The following DLGAP3 variants were observed in gnomAD, a reference collection of about 807,000 sequenced individuals.
DLGAP3 encodes disks large-associated protein 3.
A neutral mutation model predicts 81.2 loss-of-function variants in DLGAP3; 17 were observed. That is an observed-to-expected ratio of 0.21 (90% CI 0.14 to 0.31). DLGAP3 has a LOEUF of 0.31. DLGAP3 is among the 10% of genes least tolerant of loss of function. The probability of loss-of-function intolerance (pLI) is 1.00; values close to 1 mark genes in which losing one functional copy is unlikely to be tolerated. For synonymous variants in DLGAP3, 577 were observed against 587.4 expected, an observed-to-expected ratio of 0.98 and a Z score of 0.26; for missense variants, 1,124 against 1,388.0, an observed-to-expected ratio of 0.81 and a Z score of 3.02.
chr1:34,892,957 G>T (rs1391074587), intron 5 of DLGAP3, among the ~76,000 whole-genome samples: 1 of 151,844 alleles, frequency 6.6e-6, no homozygotes, highest in Admixed American at 6.6e-5. Context: ...TGGATCATGA[G>T]GTCAGGAGAT....
At chr1:34,876,029 G>A (rs961620456) in intron 8 of DLGAP3, among the ~76,000 whole-genome samples, 5 of 152,252 alleles carry the variant, frequency 3.3e-5, no homozygotes, top group African/African-American at 1.2e-4. Flanking sequence ...GATTAACTTC[G>A]TGGTAAGCTT....
chr1:34,895,444 T>C lies in DLGAP3; in HGVS notation c.1386+4225A>G, dbSNP rs1639368187. 6.6e-6 allele frequency among the ~76,000 whole-genome samples: 1 copy of C among 151,444 alleles called. No individual in the cohort carries two copies. Among genetic ancestry groups the C allele is most frequent in the African/African-American group, 2.4e-5 (1 of 41,230 alleles). On this transcript the variant is annotated intron_variant, in intron 5 of 11. Transcript: ENST00000373347. The surrounding 1 kb of genome is among the most constrained non-coding windows in gnomAD (Gnocchi z 4.5). The stretch of plus-strand genomic sequence containing the variant: ...AGAAATCAAAGAAGAACTGAATAAA[T>C]GGAAATACATCCAATATTCAAGGAT...
intron 5 of DLGAP3, among the ~76,000 whole-genome samples, chr1:34,892,570 C>T (rs1639328200): frequency 6.6e-6 from 1 of 152,124 alleles, no homozygotes; most frequent in Non-Finnish European, 1.5e-5. Flanking sequence ...TGGCTATTCA[C>T]AGGCACAATC....
chr1:34,915,662 G>C (rs1029167402), intron 1 of DLGAP3, among the ~76,000 whole-genome samples: 4 of 152,164 alleles, frequency 2.6e-5, no homozygotes, highest in South Asian at 2.1e-4. Flanking sequence ...AACCACGAAG[G>C]CTGGCTGGTT....
At chr1:34,909,089 A>G (rs752813362) in intron 1 of DLGAP3, among the ~76,000 whole-genome samples, 4 of 152,230 alleles carry the variant, frequency 2.6e-5, no homozygotes, top group Non-Finnish European at 5.9e-5. Context: ...AGAAGCCCAG[A>G]CTATCCCATT....
rs1639530384 is a variant in DLGAP3, at chr1:34,905,271, C to T, written c.113G>A (p.Arg38Lys). 1 of 1,544,282 alleles carries T rather than the reference C, an allele frequency of 6.5e-7. No individual in the cohort carries two copies. ...GCGGGGCTCGGTGGAGAAGGCCTCC[C>T]TGGAGCCCAGCAGGTATGGGGCCCT... ...AARAPYLLGS[R>K]EAFSTEPRFC... The change falls in exon 3 of 12, where the codon AGG becomes AAG. Residue 38 changes from arginine (R) to lysine (K), a missense_variant. Physicochemically the swap from Arg to Lys is conservative, Grantham distance 26 (BLOSUM62 2). This residue lies in a region of DLGAP3 where 167 missense variants were observed against 172.1 expected (regional missense o/e 0.97). Transcript: ENST00000373347.
intron 8 of DLGAP3, among the ~76,000 whole-genome samples, chr1:34,874,980 G>A (rs1004650599): frequency 4.6e-5 from 7 of 152,126 alleles, no homozygotes; most frequent in Admixed American, 1.3e-4. Context: ...CAGCCTGGGG[G>A]CTGTGACAGG....
Position 34,868,814 on chromosome 1 carries a change from G to A in DLGAP3, c.2276C>T (p.Ala759Val), listed in dbSNP as rs777773426. 4 of 1,578,948 alleles carry A rather than the reference G, an allele frequency of 2.5e-6. No homozygotes were observed. Among genetic ancestry groups the A allele is most frequent in the Non-Finnish European group, 3.4e-6 (4 of 1,167,626 alleles). Reference sequence around the variant, plus strand: ...CCCAGGGCCGGGGGTGGGGGCGGGGGCAGGGCCGGGCGACCCATCGGTGGC... The same window carrying A: ...CCCAGGGCCGGGGGTGGGGGCGGGGACAGGGCCGGGCGACCCATCGGTGGC... ...PPATDGSPGP[A>V]PAPTPGPGAG... The change falls in exon 9 of 12, where the codon GCC becomes GTC. Residue 759 changes from alanine to valine, a missense_variant. By Grantham distance (64) the Ala-to-Val change is moderately conservative (BLOSUM62 0). Transcript: ENST00000373347. The surrounding 1 kb of genome is among the most constrained non-coding windows in gnomAD (Gnocchi z 7.5).
In DLGAP3 at chr1:34,873,398, G is replaced by T. The variant is rs767705243; in HGVS notation, c.2001-4309C>A. Reference sequence around the variant, plus strand: ...GCAGCGGAACAGAGCGGTTAGGCCCGTGTGCTCTGGAGCCTTGCCCGGGTC... The same window carrying T: ...GCAGCGGAACAGAGCGGTTAGGCCCTTGTGCTCTGGAGCCTTGCCCGGGTC... On this transcript the variant is annotated intron_variant, in intron 8 of 11. Transcript: ENST00000373347. The surrounding 1 kb of genome is among the most constrained non-coding windows in gnomAD (Gnocchi z 4.2). Among the ~76,000 whole-genome samples the T allele has an allele frequency of 6.6e-6, 1 of 152,220 alleles. No individual in the cohort carries two copies. Among genetic ancestry groups the T allele is most frequent in the Non-Finnish European group, 1.5e-5 (1 of 68,038 alleles).
rs938835281 is a variant in DLGAP3, at chr1:34,902,121, A to G, written c.1108-1848T>C. ...GAGGGAGTCCGTGATGTCAGCCTAC[A>G]CTTCGGAAAATGAGGTGTAAGTGAA... On this transcript the variant is annotated intron_variant, in intron 3 of 11. Transcript: ENST00000373347. The surrounding 1 kb of genome is among the most constrained non-coding windows in gnomAD (Gnocchi z 4.4). Among the ~76,000 whole-genome samples the G allele has an allele frequency of 1.3e-5, 2 of 151,934 alleles. No individual in the cohort carries two copies. The highest frequency in any genetic ancestry group is 2.9e-5 in the Non-Finnish European group (2 of 67,990).
intron 1 of DLGAP3, among the ~76,000 whole-genome samples, chr1:34,921,064 C>T (rs932492100): frequency 6.6e-6 from 1 of 152,156 alleles, no homozygotes; most frequent in Admixed American, 6.5e-5. Flanking sequence ...AGGGGAAAAG[C>T]AAGCGCAATT....
rs756922564 is a variant in DLGAP3 at position 34,869,108 on chromosome 1, G to A, written c.2001-19C>T. 1.4e-4 allele frequency: 223 copies of A among 1,558,946 alleles called. No homozygotes were observed. The highest frequency in any genetic ancestry group is 1.8e-4 in the Non-Finnish European group (208 of 1,148,590). Reference sequence around the variant, plus strand: ...TGCTCGCCTGGGGAGAGGGGTGGCTGTCATCCCCCATTGCCCAGGCTCATG... The same window carrying A: ...TGCTCGCCTGGGGAGAGGGGTGGCTATCATCCCCCATTGCCCAGGCTCATG... On this transcript the variant is annotated intron_variant, in intron 8 of 11. Transcript: ENST00000373347.
At chr1:34,913,464 G>C (rs1337152844) in intron 1 of DLGAP3, among the ~76,000 whole-genome samples, 1 of 152,180 alleles carries the variant, frequency 6.6e-6, no homozygotes, top group African/African-American at 2.4e-5. Flanking sequence ...AAGAGACAGA[G>C]AGGCCTACCT....
intron 1 of DLGAP3, among the ~76,000 whole-genome samples, chr1:34,920,253 T>C (rs1487818989): frequency 6.6e-6 from 1 of 152,156 alleles, no homozygotes; most frequent in African/African-American, 2.4e-5. Context: ...TCCTGTTCCC[T>C]ATGGCAGGAG....
intron 5 of DLGAP3, among the ~76,000 whole-genome samples, chr1:34,890,905 A>G (rs1455612473): frequency 6.6e-6 from 1 of 152,242 alleles, no homozygotes; most frequent in African/African-American, 2.4e-5. Context: ...AATAGAAAAT[A>G]CAAATTGTGA....
chr1:34,903,877 G>A (rs1639500985), intron 3 of DLGAP3, among the ~76,000 whole-genome samples: 1 of 152,182 alleles, frequency 6.6e-6, no homozygotes, highest in South Asian at 2.1e-4. Context: ...AGAAGGCTTT[G>A]GGGCAGGAGA....
chr1:34,868,313 G>T lies in DLGAP3; in HGVS notation c.2485+292C>A, dbSNP rs939055714. ...AGTTCCCTTAGTCCCCATAAACTTG[G>T]TGATTTGGACTAGCAGCCATCCATA... On this transcript the variant is annotated intron_variant, in intron 9 of 11. Transcript: ENST00000373347. This position sits in a 1 kb window ranked among gnomAD's most constrained non-coding sequence, Gnocchi z 7.5. Among the ~76,000 whole-genome samples, 2 of 152,198 alleles carry T rather than the reference G, an allele frequency of 1.3e-5. No homozygotes were observed. The highest frequency in any genetic ancestry group is 2.4e-5 in the African/African-American group (1 of 41,442).
intron 5 of DLGAP3, among the ~76,000 whole-genome samples, chr1:34,886,510 A>C: frequency 6.6e-6 from 1 of 151,790 alleles, no homozygotes; most frequent in Non-Finnish European, 1.5e-5. Flanking sequence ...TTTCCTCTAA[A>C]TATCCCACCC....
rs897000424 is a variant in DLGAP3, at chr1:34,900,010, C to T, written c.1313+58G>A. 1.0e-5 allele frequency: 15 copies of T among 1,456,844 alleles called. No homozygotes were observed. Among genetic ancestry groups the T allele is most frequent in the East Asian group, 4.7e-5 (2 of 42,940 alleles). The allele number at this position is 1,456,844 out of a possible 1,614,324, so 90.2% of individuals were successfully genotyped here. A position where few individuals can be genotyped will look rare whatever the true frequency, so the allele number is the denominator to read the frequency against. On this transcript the variant is annotated intron_variant, in intron 4 of 11. Coordinates refer to ENST00000373347, the MANE Select transcript of DLGAP3 (RefSeq NM_001080418.3). The surrounding 1 kb of genome is among the most constrained non-coding windows in gnomAD (Gnocchi z 5.6). ...TGGCACCCACTCTACACACATCTCC[C>T]GCAGGAGTCCAGCATCAGCCTCCTG...
Sources: gnomAD v4.1 joint callset for allele counts (sites outside exome capture counted in the v4.1 genomes callset) on GRCh38, gnomAD v4.1.1 for gene constraint, gnomAD v4.1.1 regional missense constraint, Gnocchi (gnomAD v3.1) non-coding constraint, MANE v1.5 for transcripts, NCBI Gene and HGNC (gene_info 2026-07-23, HGNC 2026-07-21) for gene names.